PLXNB1: variants seen among roughly 807,000 people sequenced by gnomAD.
The protein encoded by PLXNB1 is plexin B1, also known as plexin-B1.
A neutral mutation model predicts 209.4 loss-of-function variants in PLXNB1; 106 were observed. The observed-to-expected ratio is 0.51, with a 90% CI of 0.43 to 0.59. The LOEUF (loss-of-function observed/expected upper bound fraction) is 0.59, where lower values mean the gene tolerates loss of function less well. Ranked by LOEUF, PLXNB1 falls within the 20% of genes least tolerant of loss-of-function variation. PLXNB1 has a pLI of 0.00. For synonymous variants in PLXNB1, 1,167 were observed against 1,183.2 expected, an observed-to-expected ratio of 0.99 and a Z score of 0.28; for missense variants, 2,357 against 2,853.2, an observed-to-expected ratio of 0.83 and a Z score of 3.96.
At position 48,420,004 on chromosome 3, in the gene PLXNB1, G is replaced by A; in HGVS notation, c.2282C>T (p.Pro761Leu). The change falls in exon 11 of 38, where the codon CCT (proline) becomes CTT (leucine). Residue 761 changes from proline to leucine, a missense_variant. This residue lies in a region of PLXNB1 where 410 missense variants were observed against 401.0 expected (regional missense o/e 1.02). Transcript: ENST00000296440. ...TGSPLHEEPS[P>L]PSPQNGPGTA... ...TCCAGGTCCATTTTGGGGGCTGGGA[G>A]GGGAGGGCTCCTCATGGAGAGGCGA... is the stretch of plus-strand genomic sequence containing the variant. 1.9e-6 allele frequency: 3 copies of A among 1,601,922 alleles called. No homozygotes were observed. The highest frequency in any genetic ancestry group is 2.6e-6 in the Non-Finnish European group (3 of 1,172,232).
Position 48,406,196 on chromosome 3 carries a change from C to G in PLXNB1, c.6229-398G>C, listed in dbSNP as rs2037307543. On this transcript the variant is annotated intron_variant, in intron 36 of 37. Transcript: ENST00000296440. This position sits in a 1 kb window ranked among gnomAD's most constrained non-coding sequence, Gnocchi z 4.4. ...CAGCCCAGCATGATTCTGCTCTGGC[C>G]TAACTCAAGTATTTCCTGAGGTCAC... 4.6e-6 allele frequency: 1 copy of G among 218,246 alleles called. No individual in the cohort carries two copies. The highest frequency in any genetic ancestry group is 5.3e-5 in the Admixed American group (1 of 18,962). The allele number at this position is 218,246 out of a possible 1,614,324, so 13.5% of individuals were successfully genotyped here. A position where few individuals can be genotyped will look rare whatever the true frequency, so the allele number is the denominator to read the frequency against.
Position 48,422,380 on chromosome 3 carries a change from AGG to A in PLXNB1, c.1368_1369del (p.Leu457HisfsTer3), listed in dbSNP as rs2038589148. 1 of 1,608,590 alleles carries A rather than the reference AGG, an allele frequency of 6.2e-7. No homozygotes were observed. The highest frequency in any genetic ancestry group is 1.7e-5 in the Admixed American group (1 of 59,210). On this transcript the variant is annotated frameshift_variant, in exon 5 of 38. Transcript: ENST00000296440. LOFTEE classifies it high-confidence loss of function. The stretch of plus-strand genomic sequence containing the variant: ...GTGCTCAAAGGTCCCATCAAAGGTG[AGG>A]TCTCTGCTCACTGCAGACCCCTGCT...
At chr3:48,414,280 G>A (rs936052892) in intron 21 of PLXNB1, among the ~76,000 whole-genome samples, 1 of 152,070 alleles carries the variant, frequency 6.6e-6, no homozygotes, top group Non-Finnish European at 1.5e-5. Flanking sequence ...TCTCCAGAAC[G>A]AAAAATCTGG....
In PLXNB1 at chr3:48,411,373, CG is replaced by C; in HGVS notation, c.5248-338del. ...TTCGGGAAGCCTGCATTCCCACCAT[CG>C]GGAGCAAATATTCCCACCTATCCGA... On this transcript the variant is annotated intron_variant, in intron 28 of 37. Transcript: ENST00000296440. This position sits in a 1 kb window ranked among gnomAD's most constrained non-coding sequence, Gnocchi z 4.0. Among the ~76,000 whole-genome samples, 1 of 152,326 alleles carries C rather than the reference CG, an allele frequency of 6.6e-6. No individual in the cohort carries two copies. The highest frequency in any genetic ancestry group is 3.4e-3 in the Middle Eastern group (1 of 294).
At chr3:48,423,354 C>T (rs2038657533) in intron 3 of PLXNB1, 151 bp downstream of exon 3, 6 of 857,560 alleles carry the variant, frequency 7.0e-6, no homozygotes, top group Non-Finnish European at 1.1e-5. Flanking sequence ...TTCCACTGCC[C>T]AGGCAACATA....
intron 1 of PLXNB1, among the ~76,000 whole-genome samples, chr3:48,425,593 G>A (rs752547681): frequency 2.6e-5 from 4 of 151,678 alleles, no homozygotes; most frequent in Non-Finnish European, 4.4e-5. Context: ...AAGGAGCCCC[G>A]TGGCTGGCAG....
rs759260268 is a variant in PLXNB1 at position 48,418,264 on chromosome 3, C to T, written c.3149G>A (p.Arg1050His). The change falls in exon 15 of 38, where the codon CGT becomes CAT. Residue 1050 changes from arginine (R) to histidine (H), a missense_variant. Transcript: ENST00000296440. The surrounding 1 kb of genome is among the most constrained non-coding windows in gnomAD (Gnocchi z 6.6). ...ACCACAGGCCTCCCGGGTCACACAA[C>T]GTGGACGCTCCCCCTCACACCACAC... is the stretch of plus-strand genomic sequence containing the variant. The part of the protein sequence containing the change: ...GCVWCEGERP[R>H]CVTREACGEA... 5 of 1,613,470 alleles carry T rather than the reference C, an allele frequency of 3.1e-6. No homozygotes were observed. Among genetic ancestry groups the T allele is most frequent in the South Asian group, 2.2e-5 (2 of 91,088 alleles).
rs1352064273 is a variant in PLXNB1 at position 48,410,038 on chromosome 3, CG to C, written c.5644del (p.Arg1882GlyfsTer6). 1 of 1,608,970 alleles carries C rather than the reference CG, an allele frequency of 6.2e-7. No homozygotes were observed. Among genetic ancestry groups the C allele is most frequent in the Non-Finnish European group, 8.5e-7 (1 of 1,177,032 alleles). On this transcript the variant is annotated frameshift_variant, in exon 32 of 38. Transcript: ENST00000296440. LOFTEE classifies it high-confidence loss of function. The surrounding 1 kb of genome is among the most constrained non-coding windows in gnomAD (Gnocchi z 6.4). Reference sequence around the variant, plus strand: ...ACTTGGCTTCACCAGGTGCCAGGGCCGGATGCCCCCCTCATCTACATCCTCC... The same window carrying C: ...ACTTGGCTTCACCAGGTGCCAGGGCCGATGCCCCCCTCATCTACATCCTCC... Reference protein sequence around the residue: ...MLEDVDEGGIRPWHLVKPSDE... With the variant: ...MLEDVDEGGIXPWHLVKPSDE...
chr3:48,428,766 G>A (rs1217678954), intron 1 of PLXNB1, among the ~76,000 whole-genome samples: 1 of 152,146 alleles, frequency 6.6e-6, no homozygotes, highest in African/African-American at 2.4e-5. Context: ...GACCCAAGGC[G>A]CTCATCGATC....
Position 48,418,650 on chromosome 3 carries a change from A to G in PLXNB1, c.2956-108T>C. The G allele has an allele frequency of 3.8e-6, 4 of 1,040,052 alleles. No individual in the cohort carries two copies. The highest frequency in any genetic ancestry group is 5.8e-6 in the Non-Finnish European group (4 of 693,630). The allele number at this position is 1,040,052 out of a possible 1,614,324, so 64.4% of individuals were successfully genotyped here. ...AACGACCAGTTAGGAGCATAGGGTC[A>G]GAGGGACCCCATGGGGCCACAAGTT... On this transcript the variant is annotated intron_variant, in intron 13 of 37. Transcript: ENST00000296440. This position sits in a 1 kb window ranked among gnomAD's most constrained non-coding sequence, Gnocchi z 6.6.
At position 48,417,233 on chromosome 3, in the gene PLXNB1, G is replaced by C. The variant is rs1349353760; in HGVS notation, c.3374+678C>G. ...TTCCTTGTTTCAAATACAGATTTGG[G>C]GGCCCCACCGTGGGCCTCCTGAATC... On this transcript the variant is annotated intron_variant, in intron 16 of 37. Coordinates refer to ENST00000296440, the MANE Select transcript of PLXNB1 (RefSeq NM_001130082.3). This position sits in a 1 kb window ranked among gnomAD's most constrained non-coding sequence, Gnocchi z 4.4. Among the ~76,000 whole-genome samples, 2 of 152,198 alleles carry C rather than the reference G, an allele frequency of 1.3e-5. No individual in the cohort carries two copies. The highest frequency in any genetic ancestry group is 2.9e-5 in the Non-Finnish European group (2 of 68,032).
At position 48,412,925 on chromosome 3, in the gene PLXNB1, G is replaced by A. The variant is rs756225641; in HGVS notation, c.4671C>T (p.Asp1557=). The A allele has an allele frequency of 6.8e-6, 11 of 1,614,036 alleles. No homozygotes were observed. Among genetic ancestry groups the A allele is most frequent in the East Asian group, 2.2e-5 (1 of 44,894 alleles). ...LMTEMTDLTS[D]LLGSGIPFLD... ...GGAAGGGGATGCCGCTGCCCAGGAG[G>A]TCACTGGTGAGATCGGTCATCTCAG... Residue 1557 remains aspartate (D), a synonymous_variant, in exon 25 of 38, where the codon GAC becomes GAT. Coordinates refer to ENST00000296440, the MANE Select transcript of PLXNB1 (RefSeq NM_001130082.3).
rs746500866 is a variant in PLXNB1 at position 48,406,813 on chromosome 3, G to A, written c.6228+10C>T. On this transcript the variant is annotated intron_variant, in intron 36 of 37. Transcript: ENST00000296440. This position sits in a 1 kb window ranked among gnomAD's most constrained non-coding sequence, Gnocchi z 4.4. ...CTATGCCCAACCCAAGAAGCAGAGG[G>A]AGGCCTTACCCAGGACAGTTCAGCC... 2 of 1,599,320 alleles carry A rather than the reference G, an allele frequency of 1.3e-6. No individual in the cohort carries two copies. The highest frequency in any genetic ancestry group is 2.2e-5 in the South Asian group (2 of 88,976).
At chr3:48,423,012 G>T (rs2038635874) in intron 3 of PLXNB1, 65 bp from the exon 4 acceptor site, 1 of 1,454,750 alleles carries the variant, frequency 6.9e-7, no homozygotes, top group Non-Finnish European at 9.5e-7. Flanking sequence ...CATCGTCCCT[G>T]GACAACCTCA....
At chr3:48,404,722 G>A (rs566040567) in intron 37 of PLXNB1, 132 bp from the exon 38 acceptor site, 76 of 608,072 alleles carry the variant, frequency 1.2e-4, no homozygotes, top group African/African-American at 1.0e-3. Flanking sequence ...GTCACTTCAC[G>A]TACTTTCTGG....
At chr3:48,428,033 T>C (rs2038985664) in intron 1 of PLXNB1, among the ~76,000 whole-genome samples, 1 of 152,128 alleles carries the variant, frequency 6.6e-6, no homozygotes, top group Non-Finnish European at 1.5e-5. Flanking sequence ...GACTTGAAGC[T>C]CCTTGAAGGC....
chr3:48,410,163 G>A lies in PLXNB1; in HGVS notation c.5606-86C>T. The A allele has an allele frequency of 6.8e-7, 1 of 1,481,324 alleles. No individual in the cohort carries two copies. Among genetic ancestry groups the A allele is most frequent in the Non-Finnish European group, 9.1e-7 (1 of 1,097,386 alleles). The allele number at this position is 1,481,324 out of a possible 1,614,324, so 91.8% of individuals were successfully genotyped here. Reference sequence around the variant, plus strand: ...TTCTTGCCAGCTCTCCCAGGGGTGGGGGCACCTGGTTGAGGGATTTCCTGG... The same window carrying A: ...TTCTTGCCAGCTCTCCCAGGGGTGGAGGCACCTGGTTGAGGGATTTCCTGG... On this transcript the variant is annotated intron_variant, in intron 31 of 37. Coordinates refer to ENST00000296440, the MANE Select transcript of PLXNB1 (RefSeq NM_001130082.3). This position sits in a 1 kb window ranked among gnomAD's most constrained non-coding sequence, Gnocchi z 6.4.
In PLXNB1 at chr3:48,410,826, C is replaced by T; in HGVS notation, c.5416+42G>A. ...GAGTTGGTCCGGGGCCAGCCCAGGC[C>T]CAACAGTGGCTCAGGTCCCCAGGGG... is the stretch of plus-strand genomic sequence containing the variant. On this transcript the variant is annotated intron_variant, in intron 29 of 37. Coordinates refer to ENST00000296440, the MANE Select transcript of PLXNB1 (RefSeq NM_001130082.3). This position sits in a 1 kb window ranked among gnomAD's most constrained non-coding sequence, Gnocchi z 6.4. 6.3e-7 allele frequency: 1 copy of T among 1,576,574 alleles called. No homozygotes were observed. Among genetic ancestry groups the T allele is most frequent in the Non-Finnish European group, 8.6e-7 (1 of 1,159,588 alleles).
In PLXNB1 at chr3:48,414,853, A is replaced by T; in HGVS notation, c.4155T>A (p.Pro1385=). 6.2e-7 allele frequency: 1 copy of T among 1,614,082 alleles called. No individual in the cohort carries two copies. The highest frequency in any genetic ancestry group is 8.5e-7 in the Non-Finnish European group (1 of 1,180,020). The stretch of plus-strand genomic sequence containing the variant: ...GCCGGAATGGCATGGTGGGGTCCTC[A>T]GGGTTGAGTGGCTGCAGGGTGGGGT... The part of the protein sequence containing the change: ...EADPTLQPLN[P]EDPTMPFRHK... The change falls in exon 21 of 38, where the codon CCT becomes CCA. Residue 1385 remains proline (P), a synonymous_variant. Coordinates refer to ENST00000296440, the MANE Select transcript of PLXNB1 (RefSeq NM_001130082.3).
Sources: gnomAD v4.1 joint callset for allele counts (sites outside exome capture counted in the v4.1 genomes callset) on GRCh38, gnomAD v4.1.1 for gene constraint, gnomAD v4.1.1 regional missense constraint, Gnocchi (gnomAD v3.1) non-coding constraint, MANE v1.5 for transcripts, NCBI Gene and HGNC (gene_info 2026-07-23, HGNC 2026-07-21) for gene names.